Variants in POT1 observed in about 807,000 individuals in gnomAD.
POT1 encodes the protein protection of telomeres protein 1.
POT1 carries 47 observed loss-of-function variants against 78.5 expected under a neutral mutation model. The observed-to-expected ratio is 0.60, with a 90% CI of 0.47 to 0.76. The LOEUF is 0.76. Among genes scored for constraint, POT1 ranks in the 30% least tolerant of loss-of-function variants. POT1 has a pLI of 0.00. For synonymous variants in POT1, 259 were observed against 260.7 expected (o/e 0.99, Z 0.06); for missense variants, 646 against 749.9 (o/e 0.86, Z 1.62).
At position 124,863,635 on chromosome 7, in the gene POT1, T is replaced by C. The variant is rs1795653499; in HGVS notation, c.261A>G (p.Gln87=). 6.2e-7 allele frequency: 1 copy of C among 1,606,536 alleles called. No individual in the cohort carries two copies. The highest frequency in any genetic ancestry group is 8.5e-7 in the Non-Finnish European group (1 of 1,177,288). Residue 87 remains glutamine, a synonymous_variant, in exon 8 of 19, where the codon CAA becomes CAG. Transcript: ENST00000357628. ...DIVRFHRLKI[Q]VYKKETQGIT... ...TACCCTGAGTCTCCTTTTTATATAC[T>C]TGAATCTAAGAAAGTAGGGCAAAGT...
At chr7:124,910,567 CTATAA>C (rs1280169661) in intron 3 of POT1, among the ~76,000 whole-genome samples, 1 of 151,650 alleles carries the variant, frequency 6.6e-6, no homozygotes, top group Non-Finnish European at 1.5e-5. Context: ...TAAAAATTGG[CTATAA>C]TAAACGTTTG....
chr7:124,827,832 C>T (rs1794668199), intron 16 of POT1, among the ~76,000 whole-genome samples: 1 of 151,972 alleles, frequency 6.6e-6, no homozygotes, highest in Admixed American at 6.6e-5. Flanking sequence ...GAGTTCAAGA[C>T]CAGCCTGGCC....
At chr7:124,877,576 C>A (rs66639470) in intron 6 of POT1, among the ~76,000 whole-genome samples, 6,319 of 151,696 alleles carry the variant, frequency 0.042, 325 homozygotes, top group African/African-American at 0.12. Flanking sequence ...GGGGCTCACA[C>A]CTGTAATCCC....
chr7:124,912,452 A>C (rs1796909396), intron 3 of POT1, among the ~76,000 whole-genome samples: 2 of 152,220 alleles, frequency 1.3e-5, no homozygotes, highest in South Asian at 4.1e-4. Flanking sequence ...GTCTCTTATC[A>C]AATGTTACTT....
At chr7:124,883,289 C>A in intron 6 of POT1, among the ~76,000 whole-genome samples, 1 of 151,432 alleles carries the variant, frequency 6.6e-6, no homozygotes, top group South Asian at 2.1e-4. Context: ...CTTACATAGC[C>A]AAAAAACAGA....
intron 3 of POT1, among the ~76,000 whole-genome samples, chr7:124,905,839 A>G (rs921048993): frequency 6.6e-6 from 1 of 152,186 alleles, no homozygotes; most frequent in Non-Finnish European, 1.5e-5. Context: ...ATATGAACTG[A>G]CATTTGTCAA....
intron 15 of POT1, among the ~76,000 whole-genome samples, chr7:124,834,547 C>A (rs1184197291): frequency 6.6e-6 from 1 of 151,796 alleles, no homozygotes; most frequent in Non-Finnish European, 1.5e-5. Context: ...CAATGAGATA[C>A]CATCTCACGC....
intron 7 of POT1, among the ~76,000 whole-genome samples, chr7:124,864,389 G>A (rs1279064110): frequency 6.6e-6 from 1 of 151,712 alleles, no homozygotes; most frequent in Non-Finnish European, 1.5e-5. Context: ...TCTTTTCCTT[G>A]CAATTGGAAA....
chr7:124,831,458 C>A (rs1433703230), intron 15 of POT1, among the ~76,000 whole-genome samples: 1 of 152,032 alleles, frequency 6.6e-6, no homozygotes, highest in Admixed American at 6.5e-5. Context: ...ACAACACTGA[C>A]CCTTACTGTG....
At chr7:124,876,918 T>C (rs537559060) in intron 6 of POT1, among the ~76,000 whole-genome samples, 1 of 152,318 alleles carries the variant, frequency 6.6e-6, no homozygotes, top group East Asian at 1.9e-4. Context: ...CTAACAATCT[T>C]ATTCCATAAA....
Position 124,863,397 on chromosome 7 carries a change from G to A in POT1, c.499C>T (p.Gln167Ter). ...TCCACTTCTGCTTTGCCCAAGAGCT[G>A]ACAAGTCAGGTCAAAATACTGCATT... is the stretch of plus-strand genomic sequence containing the variant. ...QPMQYFDLTC[Q>*]LLGKAEVDGA... The change falls in exon 8 of 19, where the codon CAG (glutamine) becomes TAG (stop). Residue 167 changes from glutamine to a stop codon, truncating the protein, a stop_gained. Coordinates refer to ENST00000357628, the MANE Select transcript of POT1 (RefSeq NM_015450.3). LOFTEE classifies it high-confidence loss of function. 1 of 1,613,878 alleles carries A rather than the reference G, an allele frequency of 6.2e-7. No homozygotes were observed. The highest frequency in any genetic ancestry group is 8.5e-7 in the Non-Finnish European group (1 of 1,179,862).
intron 9 of POT1, among the ~76,000 whole-genome samples, chr7:124,857,948 G>A (rs1795487198): frequency 6.6e-6 from 1 of 152,122 alleles, no homozygotes; most frequent in Non-Finnish European, 1.5e-5. Flanking sequence ...CTCAGATGCT[G>A]CTGTGGGGCC....
chr7:124,832,228 T>C (rs1584751141), intron 15 of POT1, among the ~76,000 whole-genome samples: 1 of 113,468 alleles, frequency 8.8e-6, no homozygotes, highest in Admixed American at 1.3e-4. Flanking sequence ...CACTTCAGCC[T>C]GGGTATCAGA....
At chr7:124,909,012 A>T (rs1053019523) in intron 3 of POT1, among the ~76,000 whole-genome samples, 2 of 151,918 alleles carry the variant, frequency 1.3e-5, no homozygotes, top group Admixed American at 1.3e-4. Flanking sequence ...ATGAACCAAG[A>T]CAAGAAGCCA....
chr7:124,868,279 G>A (rs1394234638), intron 7 of POT1, among the ~76,000 whole-genome samples: 3 of 152,044 alleles, frequency 2.0e-5, no homozygotes, highest in Non-Finnish European at 4.4e-5. Context: ...ACTACTAGCC[G>A]TAAATATGAA....
chr7:124,881,641 G>A (rs1352958267), intron 6 of POT1, among the ~76,000 whole-genome samples: 1 of 152,020 alleles, frequency 6.6e-6, no homozygotes, highest in Non-Finnish European at 1.5e-5. Flanking sequence ...CTGCTCCAAG[G>A]AAGTGAAGTG....
chr7:124,829,294 C>G lies in POT1; in HGVS notation c.1554G>C (p.Leu518=). ...AAGGAATCCACGATGTTTTATCAAC[C>G]AGGGAATTTAGATTTTGTATGGATC... is the stretch of plus-strand genomic sequence containing the variant. ...SLRSIQNLNS[L]VDKTSWIPSS... is the part of the protein sequence containing the mutation. The change falls in exon 16 of 19, where the codon CTG becomes CTC. Residue 518 remains leucine (L), a synonymous_variant. Transcript: ENST00000357628. 6.2e-7 allele frequency: 1 copy of G among 1,606,328 alleles called. No homozygotes were observed. The highest frequency in any genetic ancestry group is 8.5e-7 in the Non-Finnish European group (1 of 1,173,226).
At chr7:124,852,917 T>C (rs1248156920) in intron 10 of POT1, 55 bp downstream of exon 10, 4 of 1,497,664 alleles carry the variant, frequency 2.7e-6, no homozygotes, top group South Asian at 1.2e-5. Context: ...AATATTATCT[T>C]AGAAATCGGC....
At chr7:124,874,008 A>T (rs1231985278) in intron 6 of POT1, among the ~76,000 whole-genome samples, 2 of 152,186 alleles carry the variant, frequency 1.3e-5, no homozygotes, top group Non-Finnish European at 2.9e-5. Flanking sequence ...GTTTACACAC[A>T]GAACAAGTGT....
Sources: gnomAD v4.1 joint callset for allele counts (sites outside exome capture counted in the v4.1 genomes callset) on GRCh38, gnomAD v4.1.1 for gene constraint, MANE v1.5 for transcripts, NCBI Gene and HGNC (gene_info 2026-07-23, HGNC 2026-07-21) for gene names.